The following OR3A2 variants were observed in gnomAD, a reference collection of about 807,000 sequenced individuals.
OR3A2 encodes olfactory receptor 3A2.
For missense variants in OR3A2, 318 were observed against 392.8 expected, an observed-to-expected ratio of 0.81 and a Z score of 1.61; for synonymous variants, 126 against 159.3, an observed-to-expected ratio of 0.79 and a Z score of 1.57.
rs145938100 is a variant in OR3A2 at position 3,365,771 on chromosome 17, G to T, written c.-179+18033C>A. ...TTCACAGCCTCAACCTAACTGCAGAGGAAGCTGAAAAATACAACGTGTCTT... is the reference window on the plus strand; with the variant it reads ...TTCACAGCCTCAACCTAACTGCAGATGAAGCTGAAAAATACAACGTGTCTT... On this transcript the variant is annotated intron_variant, in intron 2 of 4. Transcript: ENST00000573491. Among the ~76,000 whole-genome samples, 1,019 of 152,258 alleles carry T rather than the reference G, an allele frequency of 6.7e-3. 12 individuals carry two copies. Among genetic ancestry groups the T allele is most frequent in the African/African-American group, 0.023 (941 of 41,548 alleles).
chr17:3,286,060 C>T (rs1391509124), upstream of OR3A2, among the ~76,000 whole-genome samples: 1 of 152,130 alleles, frequency 6.6e-6, no homozygotes, highest in Non-Finnish European at 1.5e-5. Context: ...TGCTATCCCT[C>T]CCCTTGCCCC....
intron 2 of OR3A2, among the ~76,000 whole-genome samples, chr17:3,363,880 A>ATTCT (rs1385705353): frequency 2.0e-5 from 3 of 152,190 alleles, no homozygotes; most frequent in African/African-American, 7.2e-5. Flanking sequence ...AGAGAGAGAA[A>ATTCT]GAGTGAAGGA....
intron 2 of OR3A2, among the ~76,000 whole-genome samples, chr17:3,376,938 G>A (rs974602220): frequency 1.3e-5 from 2 of 152,036 alleles, no homozygotes; most frequent in African/African-American, 4.8e-5. Context: ...TATTTTGCTC[G>A]GTTCCTTAAA....
rs190395251 is a variant in OR3A2, at chr17:3,354,278, T to C, written c.-178-18152A>G. 3.2e-4 allele frequency among the ~76,000 whole-genome samples: 48 copies of C among 151,410 alleles called. No individual in the cohort carries two copies. The East Asian group carries it at 7.7e-3, about 24-fold the overall frequency. On this transcript the variant is annotated intron_variant, in intron 2 of 4. Coordinates refer to the OR3A2 transcript ENST00000573491. ...TTTGTATTAGTTTTTAAATATTTGC[T>C]AGAATTCAGCAGTGAAGCCATTGCG...
intron 3 of OR3A2, among the ~76,000 whole-genome samples, chr17:3,313,651 G>A (rs2049060561): frequency 6.6e-6 from 1 of 152,174 alleles, no homozygotes; most frequent in South Asian, 2.1e-4. Context: ...TCACTTAGGT[G>A]GCTCATGAAG....
chr17:3,332,654 C>T (rs1031262882), intron 3 of OR3A2, among the ~76,000 whole-genome samples: 1 of 152,190 alleles, frequency 6.6e-6, no homozygotes, highest in Non-Finnish European at 1.5e-5. Flanking sequence ...CAGAAATCAC[C>T]CGTCTTCTGC....
At position 3,311,806 on chromosome 17, in the gene OR3A2, G is replaced by GTGT; in HGVS notation, c.-85+24226_-85+24227insACA. 2 of 199,850 alleles carry GTGT rather than the reference G, an allele frequency of 1.0e-5. No homozygotes were observed. Among genetic ancestry groups the GTGT allele is most frequent in the Non-Finnish European group, 2.1e-5 (2 of 95,240 alleles). The allele number at this position is 199,850 out of a possible 1,614,324, so 12.4% of individuals were successfully genotyped here. On this transcript the variant is annotated intron_variant, in intron 3 of 4. Coordinates refer to the OR3A2 transcript ENST00000573491. The surrounding 1 kb of genome is among the most constrained non-coding windows in gnomAD (Gnocchi z 4.6). Reference sequence around the variant, plus strand: ...GGGCTCAGTCTCAGCCTCAGACAAAGATAAGGGGATTGGGATCCTCAACAC... The same window carrying GTGT: ...GGGCTCAGTCTCAGCCTCAGACAAAGTGTATAAGGGGATTGGGATCCTCAACAC...
chr17:3,299,484 T>G (rs2048945442), intron 3 of OR3A2, among the ~76,000 whole-genome samples: 1 of 152,198 alleles, frequency 6.6e-6, no homozygotes, highest in Non-Finnish European at 1.5e-5. Context: ...CAAGGGGTCC[T>G]GAGGGACGTC....
At chr17:3,352,883 G>T (rs367830319) in intron 2 of OR3A2, among the ~76,000 whole-genome samples, 1 of 151,860 alleles carries the variant, frequency 6.6e-6, no homozygotes, top group African/African-American at 2.4e-5. Flanking sequence ...CCATAAACAT[G>T]CAATATCTTT....
At chr17:3,385,869 C>A in intron 1 of OR3A2, 1 of 398,690 alleles carries the variant, frequency 2.5e-6, no homozygotes, top group South Asian at 1.3e-4. Flanking sequence ...ACCCGGAGTT[C>A]TAGAATTTCG....
At chr17:3,363,560 C>T (rs2150660568) in intron 2 of OR3A2, among the ~76,000 whole-genome samples, 1 of 151,952 alleles carries the variant, frequency 6.6e-6, no homozygotes, top group African/African-American at 2.4e-5. Flanking sequence ...AACTGTCTCA[C>T]ATCTTCCTGT....
chr17:3,344,987 G>A (rs2049350326), intron 2 of OR3A2, among the ~76,000 whole-genome samples: 1 of 152,138 alleles, frequency 6.6e-6, no homozygotes, highest in African/African-American at 2.4e-5. Context: ...GCTTTTCTCT[G>A]TGTTGGCCTC....
chr17:3,319,002 C>T (rs937033657), intron 3 of OR3A2, among the ~76,000 whole-genome samples: 1 of 151,968 alleles, frequency 6.6e-6, no homozygotes, highest in Non-Finnish European at 1.5e-5. Context: ...AACAAAACAA[C>T]TCCCTCCATT....
chr17:3,300,721 T>A (rs1447192560), intron 3 of OR3A2, among the ~76,000 whole-genome samples: 1 of 152,098 alleles, frequency 6.6e-6, no homozygotes, highest in East Asian at 1.9e-4. Context: ...CTTTAAGTTC[T>A]AGGGTACATG....
At chr17:3,292,569 G>C in intron 3 of OR3A2, 15 of 1,606,108 alleles carry the variant, frequency 9.3e-6, no homozygotes, top group Non-Finnish European at 1.3e-5. Flanking sequence ...ATTGGCCCCA[G>C]ATTCTGGCTG....
chr17:3,290,013 C>T (rs187139829), intron 3 of OR3A2, among the ~76,000 whole-genome samples: 2 of 152,268 alleles, frequency 1.3e-5, no homozygotes, highest in East Asian at 1.9e-4. Flanking sequence ...ACCCAGCACT[C>T]TTTTCTTCTG....
chr17:3,320,518 C>A lies in OR3A2; in HGVS notation c.-85+15515G>T, dbSNP rs1451708177. Among the ~76,000 whole-genome samples, 2 of 122,504 alleles carry A rather than the reference C, an allele frequency of 1.6e-5. 1 individual carries two copies. The highest frequency in any genetic ancestry group is 3.5e-5 in the Non-Finnish European group (2 of 56,820). 80.4% of individuals were successfully genotyped at this position (122,504 alleles called of 152,430 possible). On this transcript the variant is annotated intron_variant, in intron 3 of 4. Coordinates refer to the OR3A2 transcript ENST00000573491. ...AGGGTTTTTATGGTTTTAGGTCTAA[C>A]ATGTAAGTCTTTAAGCCATCTTAAA...
intron 3 of OR3A2, among the ~76,000 whole-genome samples, chr17:3,318,604 C>G (rs1212318630): frequency 2.6e-5 from 4 of 152,202 alleles, no homozygotes; most frequent in Admixed American, 2.6e-4. Flanking sequence ...CTTTTTAGTT[C>G]CACGTGAATA....
intron 3 of OR3A2, among the ~76,000 whole-genome samples, chr17:3,330,474 C>G (rs1220047821): frequency 6.6e-6 from 1 of 151,972 alleles, no homozygotes; most frequent in Non-Finnish European, 1.5e-5. Flanking sequence ...TAATGGCCTT[C>G]TTTGTCTCTT....
Sources: gnomAD v4.1 joint callset for allele counts (sites outside exome capture counted in the v4.1 genomes callset) on GRCh38, gnomAD v4.1.1 for gene constraint, Gnocchi (gnomAD v3.1) non-coding constraint, MANE v1.5 for transcripts, NCBI Gene and HGNC (gene_info 2026-07-23, HGNC 2026-07-21) for gene names.